Variants in MGAM2 observed in about 807,000 individuals in gnomAD.
MGAM2 encodes the protein maltase-glucoamylase 2 (putative).
MGAM2 carries 98 observed loss-of-function variants against 96.1 expected under a neutral mutation model. The ratio of observed to expected loss-of-function variants is 1.02; its 90% CI spans 0.87 to 1.21. The LOEUF (loss-of-function observed/expected upper bound fraction) is 1.21, where lower values mean the gene tolerates loss of function less well. MGAM2 is among the 50% of genes most tolerant of loss of function. The pLI is 0.00. For missense variants in MGAM2, 2,055 were observed against 1,182.4 expected (o/e 1.74, Z -10.82); for synonymous variants, 749 against 414.8 (o/e 1.81, Z -9.79).
intron 46 of MGAM2, among the ~76,000 whole-genome samples, chr7:142,214,872 C>T (rs1484835948): frequency 6.6e-6 from 1 of 152,164 alleles, no homozygotes; most frequent in Non-Finnish European, 1.5e-5. Context: ...ATTAGTTCAA[C>T]CATTGTGGAA....
intron 3 of MGAM2, among the ~76,000 whole-genome samples, chr7:142,121,915 G>A (rs1322233948): frequency 2.0e-5 from 3 of 151,926 alleles, no homozygotes; most frequent in Non-Finnish European, 4.4e-5. Context: ...AGTGATGATG[G>A]TTGGCAACCC....
intron 23 of MGAM2, among the ~76,000 whole-genome samples, 153 bp from the exon 24 acceptor site, chr7:142,164,703 C>T (rs73545400): frequency 0.095 from 14,378 of 151,992 alleles, 775 homozygotes; most frequent in East Asian, 0.15. Context: ...TCTGAGTGAA[C>T]GAGTTCCCTA....
intron 26 of MGAM2, 123 bp downstream of exon 26, chr7:142,167,609 GACACCCA>G (rs1796067687): frequency 3.2e-6 from 2 of 630,698 alleles, no homozygotes; most frequent in African/African-American, 3.6e-5. Flanking sequence ...ATCTCCCACT[GACACCCA>G]GGCTGGAATG....
chr7:142,134,266 G>A, intron 7 of MGAM2, 114 bp downstream of exon 7: 1 of 446,870 alleles, frequency 2.2e-6, no homozygotes, highest in East Asian at 3.4e-5. Flanking sequence ...AGATGTGTTA[G>A]TGTTGAGGAA....
At chr7:142,141,329 A>G (rs1191886638) in intron 12 of MGAM2, among the ~76,000 whole-genome samples, 1 of 152,186 alleles carries the variant, frequency 6.6e-6, no homozygotes, top group African/African-American at 2.4e-5. Context: ...CTCTAATACC[A>G]TAGATAATTG....
chr7:142,139,336 G>T (rs540981574), intron 10 of MGAM2, among the ~76,000 whole-genome samples: 25 of 152,244 alleles, frequency 1.6e-4, no homozygotes, highest in African/African-American at 5.8e-4. Context: ...ATTGGGGGTA[G>T]CTCTTTGGGA....
In MGAM2 at chr7:142,173,335, T is replaced by C; in HGVS notation, c.3668T>C (p.Val1223Ala). 1 of 702,578 alleles carries C rather than the reference T, an allele frequency of 1.4e-6. No individual in the cohort carries two copies. Among genetic ancestry groups the C allele is most frequent in the East Asian group, 2.7e-5 (1 of 37,280 alleles). The allele number at this position is 702,578 out of a possible 1,614,324, so 43.5% of individuals were successfully genotyped here. The change falls in exon 31 of 48, where the codon GTG becomes GCG. Residue 1223 changes from valine to alanine, a missense_variant. By Grantham distance (64) the Val-to-Ala change is moderately conservative. Coordinates refer to ENST00000477922, the MANE Select transcript of MGAM2 (RefSeq NM_001293626.2). ...ATCTCCAGTTTGTATGATGCAATGGTGGCAGCCCAGATTCCCTATGTATGA... is the reference window on the plus strand; with the variant it reads ...ATCTCCAGTTTGTATGATGCAATGGCGGCAGCCCAGATTCCCTATGTATGA... ...AEISSLYDAM[V>A]AAQIPYDVQH...
chr7:142,208,051 T>C (rs1466457419), intron 45 of MGAM2, among the ~76,000 whole-genome samples: 2 of 152,206 alleles, frequency 1.3e-5, no homozygotes, highest in Admixed American at 6.5e-5. Context: ...ATTATGTACC[T>C]TATTGCCACT....
intron 1 of MGAM2, among the ~76,000 whole-genome samples, chr7:142,115,419 G>A (rs750548225): frequency 4.6e-5 from 7 of 152,202 alleles, no homozygotes; most frequent in Non-Finnish European, 1.0e-4. Context: ...CGAGGAAGAT[G>A]AGAGCAATGG....
At chr7:142,198,060 A>C (rs772289282) in intron 42 of MGAM2, 79 bp from the exon 43 acceptor site, 156 of 662,820 alleles carry the variant, frequency 2.4e-4, no homozygotes, top group Non-Finnish European at 3.9e-4. Context: ...TTTTTATCTT[A>C]ATTCTACAGT....
At position 142,140,833 on chromosome 7, in the gene MGAM2, A is replaced by T. The variant is rs112697629; in HGVS notation, c.1118A>T (p.Asp373Val). The change falls in exon 11 of 48, where the codon GAT becomes GTT. Residue 373 changes from aspartate (D) to valine (V), a missense_variant. Transcript: ENST00000477922. ...CAGTACTCTGACATAGACTACATGG[A>T]TGGAAAGAAGGATTTCACTGTTGAT... ...DVQYSDIDYM[D>V]GKKDFTVDEV... 4.3e-6 allele frequency: 3 copies of T among 702,860 alleles called. No homozygotes were observed. The highest frequency in any genetic ancestry group is 4.0e-5 in the Admixed American group (2 of 49,976). 43.5% of individuals were successfully genotyped at this position (702,860 alleles called of 1,614,324 possible). A position where few individuals can be genotyped will look rare whatever the true frequency, so the allele number is the denominator to read the frequency against.
chr7:142,199,497 C>T (rs562873648), intron 44 of MGAM2, among the ~76,000 whole-genome samples: 1 of 152,240 alleles, frequency 6.6e-6, no homozygotes, highest in South Asian at 2.1e-4. Context: ...AAGTAAAACT[C>T]CAGCAGGTTA....
At position 142,197,472 on chromosome 7, in the gene MGAM2, C is replaced by T; in HGVS notation, c.4705C>T (p.Leu1569=). The change falls in exon 41 of 48, where the codon CTG becomes TTG. Residue 1569 remains leucine, a synonymous_variant. Coordinates refer to ENST00000477922, the MANE Select transcript of MGAM2 (RefSeq NM_001293626.2). The stretch of plus-strand genomic sequence containing the variant: ...AAAAGTCCTAGAGACCAGATATACC[C>T]TGCTTCCTTATCTCTATACTCTGAT... ...SRKVLETRYT[L]LPYLYTLMHK... The T allele has an allele frequency of 1.4e-6, 1 of 703,024 alleles. No individual in the cohort carries two copies. The allele number at this position is 703,024 out of a possible 1,614,324, so 43.5% of individuals were successfully genotyped here. A position where few individuals can be genotyped will look rare whatever the true frequency, so the allele number is the denominator to read the frequency against.
At chr7:142,174,924 G>A (rs1418518405) in intron 31 of MGAM2, among the ~76,000 whole-genome samples, 1 of 151,744 alleles carries the variant, frequency 6.6e-6, no homozygotes, top group Non-Finnish European at 1.5e-5. Context: ...TCACTGTATT[G>A]GCCAGGCTGG....
intron 1 of MGAM2, among the ~76,000 whole-genome samples, 156 bp downstream of exon 1, chr7:142,111,963 G>A (rs1380188132): frequency 3.3e-5 from 5 of 151,208 alleles, no homozygotes; most frequent in Non-Finnish European, 7.4e-5. Context: ...TAAAATATGA[G>A]GAGTGAGGAT....
At chr7:142,133,268 A>G (rs1794960292) in intron 6 of MGAM2, among the ~76,000 whole-genome samples, 1 of 145,164 alleles carries the variant, frequency 6.9e-6, no homozygotes, top group African/African-American at 2.5e-5. Context: ...ATAAAATTTA[A>G]TAATATATAT....
At position 142,167,435 on chromosome 7, in the gene MGAM2, C is replaced by T; in HGVS notation, c.2976C>T (p.Ser992=). ...AASDSLSAKI[S]FLHLKVIYHT... The stretch of plus-strand genomic sequence containing the variant: ...CTGATTCTCTCTCTGCAAAGATCAG[C>T]TTCCTCCACCTGAAAGTGATCTATC... The change falls in exon 26 of 48, where the codon AGC becomes AGT. Residue 992 remains serine, a synonymous_variant. Coordinates refer to ENST00000477922, the MANE Select transcript of MGAM2 (RefSeq NM_001293626.2). The T allele has an allele frequency of 1.4e-6, 1 of 703,016 alleles. No individual in the cohort carries two copies. Among genetic ancestry groups the T allele is most frequent in the Non-Finnish European group, 2.6e-6 (1 of 384,982 alleles). The allele number at this position is 703,016 out of a possible 1,614,324, so 43.5% of individuals were successfully genotyped here. A position where few individuals can be genotyped will look rare whatever the true frequency, so the allele number is the denominator to read the frequency against.
intron 46 of MGAM2, among the ~76,000 whole-genome samples, chr7:142,216,510 G>A (rs1563300942): frequency 6.6e-6 from 1 of 152,148 alleles, no homozygotes; most frequent in Non-Finnish European, 1.5e-5. Flanking sequence ...ACTTTCCTTA[G>A]GGGATAACTA....
intron 45 of MGAM2, 193 bp from the exon 46 acceptor site, chr7:142,208,380 T>A: frequency 1.5e-6 from 1 of 659,604 alleles, no homozygotes; most frequent in Non-Finnish European, 2.8e-6. Flanking sequence ...GGTACCCATT[T>A]GCATTTGCAC....
Sources: allele counts gnomAD v4.1 joint callset (sites outside exome capture counted in the v4.1 genomes callset), GRCh38; gene constraint gnomAD v4.1.1; transcripts MANE v1.5; gene names NCBI Gene and HGNC (gene_info 2026-07-23, HGNC 2026-07-21).